MUC4: variants seen among roughly 807,000 people sequenced by gnomAD.
MUC4 encodes the protein mucin-4.
A neutral mutation model predicts 257.9 loss-of-function variants in MUC4; 202 were observed. The ratio of observed to expected loss-of-function variants is 0.78; its 90% CI spans 0.70 to 0.88. MUC4 has a LOEUF of 0.88. Ranked by LOEUF, MUC4 falls within the 40% of genes least tolerant of loss-of-function variation. The pLI is 0.00. For synonymous variants in MUC4, 2,351 were observed against 2,757.1 expected (o/e 0.85, Z 4.62); for missense variants, 5,976 against 6,513.7 (o/e 0.92, Z 2.84).
rs778629807 is a variant in MUC4 at position 195,781,735 on chromosome 3, G to A, written c.9845C>T (p.Pro3282Leu). The change falls in exon 2 of 25, where the codon CCT becomes CTT. Residue 3282 changes from proline to leucine, a missense_variant. Coordinates refer to ENST00000463781, the MANE Select transcript of MUC4 (RefSeq NM_018406.7). ...GGATGATGAGGAAGTGTCGGTGACA[G>A]GAAGAGAGGTGGTGTCACCTGTGTA... ...SAYTGDTTSLPVTDTSSSSTG... is the reference protein window; with the variant it reads ...SAYTGDTTSLLVTDTSSSSTG... The A allele has an allele frequency of 2.7e-5, 39 of 1,470,874 alleles. No homozygotes were observed. The African/African-American group carries it at 3.7e-4, about 14-fold the overall frequency. 91.1% of individuals were successfully genotyped at this position (1,470,874 alleles called of 1,614,324 possible). A position where few individuals can be genotyped will look rare whatever the true frequency, so the allele number is the denominator to read the frequency against.
chr3:195,798,661 A>G (rs533822798), intron 1 of MUC4, among the ~76,000 whole-genome samples: 28 of 152,180 alleles, frequency 1.8e-4, no homozygotes, highest in Admixed American at 7.2e-4. Context: ...CCGAGATTGC[A>G]CCACTGCACT....
chr3:195,804,954 A>C (rs1735790427), intron 1 of MUC4, among the ~76,000 whole-genome samples: 1 of 152,238 alleles, frequency 6.6e-6, no homozygotes, highest in Non-Finnish European at 1.5e-5. Flanking sequence ...GAGACTTGGC[A>C]TACAGCAGTG....
intron 10 of MUC4, among the ~76,000 whole-genome samples, chr3:195,764,532 G>T (rs1719992393): frequency 6.6e-6 from 1 of 152,156 alleles, no homozygotes; most frequent in African/African-American, 2.4e-5. Context: ...CTCTCAACGT[G>T]CTGGGAGTGG....
chr3:195,778,265 C>T (rs1256516293), intron 3 of MUC4, 38 bp downstream of exon 3: 1 of 1,549,556 alleles, frequency 6.5e-7, no homozygotes, highest in Non-Finnish European at 8.7e-7. Flanking sequence ...AGTTACATCA[C>T]CCCTCAAAAG....
In MUC4 at chr3:195,780,871, G is replaced by T. The variant is rs1553872792; in HGVS notation, c.10709C>A (p.Pro3570His). The T allele has an allele frequency of 6.7e-7, 1 of 1,489,510 alleles. No individual in the cohort carries two copies. Among genetic ancestry groups the T allele is most frequent in the Non-Finnish European group, 9.0e-7 (1 of 1,111,006 alleles). The allele number at this position is 1,489,510 out of a possible 1,614,324, so 92.3% of individuals were successfully genotyped here. A position where few individuals can be genotyped will look rare whatever the true frequency, so the allele number is the denominator to read the frequency against. ...GGATACTGAGGAAAGGCTGGTGACA[G>T]GAAGAGGGGTGGCCTGACCTGTGGA... ...SASTGQATPL[P>H]VTSLSSVSTG... is the part of the protein sequence containing the mutation. The change falls in exon 2 of 25, where the codon CCT becomes CAT. Residue 3570 changes from proline (P) to histidine (H), a missense_variant. Coordinates refer to ENST00000463781, the MANE Select transcript of MUC4 (RefSeq NM_018406.7).
chr3:195,794,347 C>CT (rs1317618659), intron 1 of MUC4, among the ~76,000 whole-genome samples: 10 of 148,190 alleles, frequency 6.7e-5, no homozygotes, highest in African/African-American at 2.0e-4. Flanking sequence ...AAACTTCTTT[C>CT]TTTTTTCTTT....
chr3:195,789,577 C>T lies in MUC4; in HGVS notation c.2003G>A (p.Gly668Asp). 1 of 1,613,760 alleles carries T rather than the reference C, an allele frequency of 6.2e-7. No individual in the cohort carries two copies. The highest frequency in any genetic ancestry group is 8.5e-7 in the Non-Finnish European group (1 of 1,179,838). Residue 668 changes from glycine (G) to aspartate (D), a missense_variant, in exon 2 of 25, where the codon GGT becomes GAT. This residue lies in a region of MUC4 where 1,583 missense variants were observed against 1,257.4 expected (regional missense o/e 1.26). Coordinates refer to ENST00000463781, the MANE Select transcript of MUC4 (RefSeq NM_018406.7). The stretch of plus-strand genomic sequence containing the variant: ...GTGCCCACTGGCTGTGAAGGAAGAA[C>T]CTGGGGTGGTGACTGTCTTGGTGTC... Reference protein sequence around the residue: ...MTDTKTVTTPGSSFTASGHSP... With the variant: ...MTDTKTVTTPDSSFTASGHSP...
chr3:195,799,824 C>T (rs1446204638), intron 1 of MUC4, among the ~76,000 whole-genome samples: 2 of 152,208 alleles, frequency 1.3e-5, no homozygotes, highest in African/African-American at 4.8e-5. Flanking sequence ...GTTATTAATA[C>T]AGACTGCCAA....
intron 1 of MUC4, among the ~76,000 whole-genome samples, chr3:195,793,486 A>G (rs1734131400): frequency 6.7e-6 from 1 of 149,940 alleles, no homozygotes; most frequent in African/African-American, 2.5e-5. Flanking sequence ...TGGGCGACAG[A>G]GCAAGATTCT....
At position 195,788,677 on chromosome 3, in the gene MUC4, G is replaced by T; in HGVS notation, c.2903C>A (p.Thr968Lys). The change falls in exon 2 of 25, where the codon ACG becomes AAG. Residue 968 changes from threonine (T) to lysine (K), a missense_variant. Around this residue, in one of 44 missense-constraint regions of MUC4, gnomAD observed 1,583 missense variants for 1,257.4 expected, o/e 1.26. Transcript: ENST00000463781. Reference sequence around the variant, plus strand: ...AGGGGTGGCGTTGCTGATGAGGGCCGTGGTGAAGGTTTTACCAGACCCTGA... The same window carrying T: ...AGGGGTGGCGTTGCTGATGAGGGCCTTGGTGAAGGTTTTACCAGACCCTGA... Reference protein sequence around the residue: ...SPSGSGKTFTTALISNATPLP... With the variant: ...SPSGSGKTFTKALISNATPLP... 6.2e-7 allele frequency: 1 copy of T among 1,613,008 alleles called. No individual in the cohort carries two copies. Among genetic ancestry groups the T allele is most frequent in the Middle Eastern group, 1.7e-4 (1 of 6,060 alleles).
intron 3 of MUC4, among the ~76,000 whole-genome samples, chr3:195,777,599 C>G (rs1344414417): frequency 0.021 from 1,345 of 65,002 alleles, 3 homozygotes; most frequent in East Asian, 0.06. Flanking sequence ...ACCTTCCACA[C>G]CCATACCTTC....
intron 18 of MUC4, among the ~76,000 whole-genome samples, chr3:195,754,948 ATG>A (rs1312108145): frequency 4.2e-5 from 2 of 47,508 alleles, no homozygotes; most frequent in African/African-American, 9.8e-5. Context: ...ATGTATCCAT[ATG>A]TGTGTATCCA....
intron 16 of MUC4, among the ~76,000 whole-genome samples, chr3:195,760,491 GGAGGGGGCTGGGAAGGCATC>G (rs1415893069): frequency 2.8e-5 from 4 of 144,942 alleles, no homozygotes; most frequent in Non-Finnish European, 6.2e-5. Flanking sequence ...AGGATGGAGT[GGAGGGGGCTGGGAAGGCATC>G]CAGCGCTAGG....
intron 1 of MUC4, among the ~76,000 whole-genome samples, chr3:195,795,256 G>A (rs1734427460): frequency 6.6e-6 from 1 of 152,142 alleles, no homozygotes; most frequent in African/African-American, 2.4e-5. Flanking sequence ...CTTTCTGAAT[G>A]TGTAAATTCT....
Position 195,785,687 on chromosome 3 carries a change from G to T in MUC4, c.5893C>A (p.His1965Asn), listed in dbSNP as rs749909118. Reference protein sequence around the residue: ...VTDASSVPTGHATSLPVTDAS... With the variant: ...VTDASSVPTGNATSLPVTDAS... ...TCGGTGACAGGAAGAGAGGTGGCGTGACCTGTGGGTACTGAGGAAGCGTCG... is the reference window on the plus strand; with the variant it reads ...TCGGTGACAGGAAGAGAGGTGGCGTTACCTGTGGGTACTGAGGAAGCGTCG... Residue 1965 changes from histidine to asparagine, a missense_variant, in exon 2 of 25, where the codon CAC becomes AAC. Physicochemically the swap from His to Asn is moderately conservative, Grantham distance 68. This residue lies in a region of MUC4 where 87 missense variants were observed against 104.6 expected (regional missense o/e 0.83). Transcript: ENST00000463781. 3 of 1,450,502 alleles carry T rather than the reference G, an allele frequency of 2.1e-6. No homozygotes were observed. The African/African-American group carries it at 4.8e-5, about 23-fold the overall frequency. The allele number at this position is 1,450,502 out of a possible 1,614,324, so 89.9% of individuals were successfully genotyped here. A position where few individuals can be genotyped will look rare whatever the true frequency, so the allele number is the denominator to read the frequency against.
At chr3:195,756,847 G>T (rs2148779826) in intron 18 of MUC4, among the ~76,000 whole-genome samples, 1 of 152,138 alleles carries the variant, frequency 6.6e-6, no homozygotes, top group African/African-American at 2.4e-5. Flanking sequence ...ATTTTTAGTA[G>T]AGATGGGGTT....
At position 195,783,907 on chromosome 3, in the gene MUC4, G is replaced by T. The variant is rs755395603; in HGVS notation, c.7673C>A (p.Ala2558Asp). Residue 2558 changes from alanine to aspartate, a missense_variant, in exon 2 of 25, where the codon GCC (alanine) becomes GAC (aspartate). Transcript: ENST00000463781. ...AGTGTCGGTGACAGGAAGAGAGGTG[G>T]CGTGACCTGTGGATGCTGAGGAAGG... ...TSPSSASTGH[A>D]TSLPVTDTSA... 1 of 1,514,470 alleles carries T rather than the reference G, an allele frequency of 6.6e-7. No individual in the cohort carries two copies. 93.8% of individuals were successfully genotyped at this position (1,514,470 alleles called of 1,614,324 possible).
rs568117571 is a variant in MUC4 at position 195,810,545 on chromosome 3, G to A, written c.82+1191C>T. On this transcript the variant is annotated intron_variant, in intron 1 of 24. Coordinates refer to ENST00000463781, the MANE Select transcript of MUC4 (RefSeq NM_018406.7). The surrounding 1 kb of genome is among the most constrained non-coding windows in gnomAD (Gnocchi z 4.2). The stretch of plus-strand genomic sequence containing the variant: ...TCCCCTCCCAGCTCTGTACACGGAG[G>A]AGCCCAAGGCCAATGCCGGGGCTAC... Among the ~76,000 whole-genome samples, 1 of 152,310 alleles carries A rather than the reference G, an allele frequency of 6.6e-6. No homozygotes were observed. Among genetic ancestry groups the A allele is most frequent in the South Asian group, 2.1e-4 (1 of 4,832 alleles).
Position 195,762,000 on chromosome 3 carries a change from G to A in MUC4, c.14512+87C>T, listed in dbSNP as rs1028107482. The A allele has an allele frequency of 6.3e-6, 9 of 1,419,082 alleles. No individual in the cohort carries two copies. In the East Asian group the frequency reaches 1.5e-4, roughly 24 times the overall value. The allele number at this position is 1,419,082 out of a possible 1,614,324, so 87.9% of individuals were successfully genotyped here. On this transcript the variant is annotated intron_variant, in intron 14 of 24. Transcript: ENST00000463781. ...CCAAGGAGGCGGAGAAAGGGAGGCCGAGCAGGGCTGCCCGGGCCGCCGGCG... is the reference window on the plus strand; with the variant it reads ...CCAAGGAGGCGGAGAAAGGGAGGCCAAGCAGGGCTGCCCGGGCCGCCGGCG...
Sources: allele counts gnomAD v4.1 joint callset (sites outside exome capture counted in the v4.1 genomes callset), GRCh38; gene constraint gnomAD v4.1.1; regional missense constraint gnomAD v4.1.1; non-coding constraint Gnocchi (gnomAD v3.1); transcripts MANE v1.5; gene names NCBI Gene and HGNC (gene_info 2026-07-23, HGNC 2026-07-21).